Variants in RBFOX1 observed in about 807,000 individuals in gnomAD.
RBFOX1 encodes the protein RNA binding fox-1 homolog 1.
RBFOX1 carries 8 observed loss-of-function variants against 57.7 expected under a neutral mutation model. That is an observed-to-expected ratio of 0.14 (90% CI 0.08 to 0.25). RBFOX1 has a LOEUF of 0.25. Ranked by LOEUF, RBFOX1 falls within the 10% of genes least tolerant of loss-of-function variation. RBFOX1 has a pLI of 1.00. For missense variants in RBFOX1, 611 were observed against 548.5 expected (o/e 1.11, Z -1.14); for synonymous variants, 326 against 222.4 (o/e 1.47, Z -4.15).
At chr16:6,109,273 C>G (rs1372071753) in intron 1 of RBFOX1, among the ~76,000 whole-genome samples, 2 of 152,072 alleles carry the variant, frequency 1.3e-5, no homozygotes, top group Non-Finnish European at 2.9e-5. Flanking sequence ...TCTTGATCAT[C>G]TTTGGATCAA....
intron 3 of RBFOX1, among the ~76,000 whole-genome samples, chr16:6,688,241 T>G (rs977894955): frequency 6.6e-6 from 1 of 150,708 alleles, no homozygotes; most frequent in Admixed American, 6.6e-5. Flanking sequence ...AAGAGAGAGA[T>G]GGCAGGAGGT....
intron 12 of RBFOX1, 158 bp from the exon 13 acceptor site, chr16:7,664,771 C>T: frequency 7.5e-7 from 1 of 1,326,204 alleles, no homozygotes; most frequent in Admixed American, 2.0e-5. Flanking sequence ...TGCTCAACTG[C>T]CGTTGTCTCC....
intron 1 of RBFOX1, among the ~76,000 whole-genome samples, chr16:5,332,902 G>C (rs193051788): frequency 1.3e-5 from 2 of 152,184 alleles, no homozygotes; most frequent in East Asian, 3.9e-4. Flanking sequence ...AACTACACTA[G>C]AGGCCAGGTG....
At chr16:6,634,508 T>C (rs2098415421) in intron 2 of RBFOX1, among the ~76,000 whole-genome samples, 1 of 149,098 alleles carries the variant, frequency 6.7e-6, no homozygotes, top group African/African-American at 2.4e-5. Context: ...TTATATCCAT[T>C]TAATAGAATA....
intron 5 of RBFOX1, among the ~76,000 whole-genome samples, chr16:7,533,350 A>G (rs1413221315): frequency 6.6e-6 from 1 of 152,216 alleles, no homozygotes; most frequent in Non-Finnish European, 1.5e-5. Context: ...GAGTTGTTAT[A>G]TCAGAAATAC....
intron 5 of RBFOX1, among the ~76,000 whole-genome samples, chr16:7,547,625 C>T (rs1252311606): frequency 1.3e-5 from 2 of 152,176 alleles, no homozygotes; most frequent in Admixed American, 1.3e-4. Flanking sequence ...TTGAGGCAGG[C>T]ATGACAAATA....
At chr16:5,510,862 T>A (rs1464254130) in intron 2 of RBFOX1, among the ~76,000 whole-genome samples, 1 of 152,162 alleles carries the variant, frequency 6.6e-6, no homozygotes, top group African/African-American at 2.4e-5. Context: ...CTCTCTGTCC[T>A]GACAACCAGA....
At chr16:5,268,938 G>A (rs941135464) in intron 1 of RBFOX1, among the ~76,000 whole-genome samples, 3 of 147,420 alleles carry the variant, frequency 2.0e-5, no homozygotes, top group African/African-American at 5.0e-5. Flanking sequence ...TTTTTGAGAC[G>A]AAGTCTTGCT....
intron 4 of RBFOX1, among the ~76,000 whole-genome samples, chr16:7,494,000 G>A (rs183881560): frequency 5.1e-4 from 77 of 152,238 alleles, no homozygotes; most frequent in African/African-American, 1.7e-3. Context: ...ATAAGCAATG[G>A]CACCTTTTAT....
intron 4 of RBFOX1, among the ~76,000 whole-genome samples, chr16:7,508,510 G>A (rs888232037): frequency 2.0e-5 from 3 of 152,122 alleles, no homozygotes; most frequent in African/African-American, 7.2e-5. Context: ...TGTTTATGTG[G>A]TTAGAGAGGG....
chr16:6,788,250 G>A (rs1008246529), intron 3 of RBFOX1, among the ~76,000 whole-genome samples: 3 of 151,938 alleles, frequency 2.0e-5, no homozygotes, highest in Non-Finnish European at 4.4e-5. Flanking sequence ...ATAAGCCAAT[G>A]AGGTCTGCTG....
intron 4 of RBFOX1, among the ~76,000 whole-genome samples, chr16:7,300,743 A>G (rs2096011369): frequency 6.6e-6 from 1 of 152,216 alleles, no homozygotes; most frequent in South Asian, 2.1e-4. Flanking sequence ...TGGAAGAAAA[A>G]AAGTTACAAT....
chr16:7,439,365 TA>T (rs35247636), intron 4 of RBFOX1, among the ~76,000 whole-genome samples: 37,448 of 143,288 alleles, frequency 0.26, 4,791 homozygotes, highest in Middle Eastern at 0.37. Flanking sequence ...AAAGGCAGAT[TA>T]AAAAAAAAAA....
intron 4 of RBFOX1, among the ~76,000 whole-genome samples, chr16:7,356,652 G>A (rs892036688): frequency 1.3e-5 from 2 of 152,190 alleles, no homozygotes; most frequent in African/African-American, 4.8e-5. Flanking sequence ...TGGTTTATTC[G>A]GTAAGCTTTA....
intron 2 of RBFOX1, among the ~76,000 whole-genome samples, chr16:5,509,457 T>A (rs2043501112): frequency 1.3e-5 from 2 of 152,164 alleles, no homozygotes; most frequent in African/African-American, 4.8e-5. Context: ...CAATTGTGTC[T>A]CCAATGACAA....
chr16:6,725,176 G>A lies in RBFOX1; in HGVS notation c.-16+70526G>A, dbSNP rs146472221. Among the ~76,000 whole-genome samples the A allele has an allele frequency of 1.6e-3, 239 of 149,858 alleles. 2 individuals are homozygous for A. In the East Asian group the frequency reaches 0.029, roughly 18 times the overall value. Reference sequence around the variant, plus strand: ...CGCCATTCTCCTGCCTCAGCCTCCCGAGTAACTGGGACTGCAGGCACCCGC... The same window carrying A: ...CGCCATTCTCCTGCCTCAGCCTCCCAAGTAACTGGGACTGCAGGCACCCGC... On this transcript the variant is annotated intron_variant, in intron 3 of 15. Transcript: ENST00000550418.
chr16:6,470,170 C>T (rs1324512857), intron 2 of RBFOX1, among the ~76,000 whole-genome samples: 1 of 152,148 alleles, frequency 6.6e-6, no homozygotes, highest in Non-Finnish European at 1.5e-5. Context: ...GAAATTCCTG[C>T]ATCCAGGTAG....
At chr16:7,436,774 A>T (rs932952208) in intron 4 of RBFOX1, among the ~76,000 whole-genome samples, 2 of 152,132 alleles carry the variant, frequency 1.3e-5, no homozygotes, top group Non-Finnish European at 2.9e-5. Context: ...CATATTTTAA[A>T]ATCTCAGCCT....
chr16:7,198,290 C>G (rs1327932289), intron 4 of RBFOX1, among the ~76,000 whole-genome samples: 8 of 152,132 alleles, frequency 5.3e-5, no homozygotes, highest in African/African-American at 1.2e-4. Context: ...CAGGCGTAAG[C>G]CACCGCACAT....
Sources: gnomAD v4.1 joint callset for allele counts (sites outside exome capture counted in the v4.1 genomes callset) on GRCh38, gnomAD v4.1.1 for gene constraint, MANE v1.5 for transcripts, NCBI Gene and HGNC (gene_info 2026-07-23, HGNC 2026-07-21) for gene names.